The following ITGB3BP variants were observed in gnomAD, a reference collection of about 807,000 sequenced individuals.
The protein encoded by ITGB3BP is integrin subunit beta 3 binding protein.
Under a neutral mutation model 29.1 loss-of-function variants are expected in ITGB3BP, and 27 were observed. The observed-to-expected ratio is 0.93, with a 90% CI of 0.68 to 1.28. The LOEUF (loss-of-function observed/expected upper bound fraction) is 1.28. ITGB3BP is among the 50% of genes most tolerant of loss of function. The pLI is 0.00. For missense variants in ITGB3BP, 192 were observed against 200.2 expected (o/e 0.96, Z 0.25); for synonymous variants, 61 against 61.4 (o/e 0.99, Z 0.03).
chr1:63,508,099 A>G (rs995837175), intron 2 of ITGB3BP, among the ~76,000 whole-genome samples: 2 of 152,220 alleles, frequency 1.3e-5, no homozygotes, highest in African/African-American at 2.4e-5. Context: ...CCATGCCAGC[A>G]TAGCTGAGGA....
chr1:63,517,421 A>T (rs1646358328), intron 1 of ITGB3BP, among the ~76,000 whole-genome samples: 1 of 151,590 alleles, frequency 6.6e-6, no homozygotes, highest in Non-Finnish European at 1.5e-5. Flanking sequence ...AAAAATAAAT[A>T]AAAATACTCT....
intron 4 of ITGB3BP, among the ~76,000 whole-genome samples, chr1:63,465,136 C>T (rs76682764): frequency 0.012 from 1,837 of 152,136 alleles, 43 homozygotes; most frequent in African/African-American, 0.042. Context: ...TTAGGAAATA[C>T]ACACTGAAGG....
chr1:63,464,583 TA>T (rs1292756737), intron 4 of ITGB3BP, among the ~76,000 whole-genome samples: 1 of 152,176 alleles, frequency 6.6e-6, no homozygotes, highest in Non-Finnish European at 1.5e-5. Context: ...TGGCAATCAT[TA>T]CAGTAATAAC....
chr1:63,460,477 CTTCA>C (rs1476554438), intron 4 of ITGB3BP, among the ~76,000 whole-genome samples: 2 of 152,206 alleles, frequency 1.3e-5, no homozygotes, highest in East Asian at 3.8e-4. Context: ...TGTATCAGAA[CTTCA>C]TTCCTTTTCA....
Position 63,460,929 on chromosome 1 carries a change from A to G in ITGB3BP, c.255-5961T>C, listed in dbSNP as rs528898093. On this transcript the variant is annotated intron_variant, in intron 4 of 8. Coordinates refer to ENST00000271002, the MANE Select transcript of ITGB3BP (RefSeq NM_014288.5). ...TTTCATGTGTTTATTGGCAATTTAT[A>G]TAAGTTCTTTCAAGAAATATCTACT... is the stretch of plus-strand genomic sequence containing the variant. 2.6e-5 allele frequency among the ~76,000 whole-genome samples: 4 copies of G among 152,162 alleles called. No homozygotes were observed. In the South Asian group the frequency reaches 8.3e-4, roughly 32 times the overall value.
chr1:63,445,762 T>A (rs113500593), intron 8 of ITGB3BP, among the ~76,000 whole-genome samples: 3,254 of 151,958 alleles, frequency 0.021, 124 homozygotes, highest in African/African-American at 0.074. Context: ...ACCCAGCTTA[T>A]TTTTCTATTT....
At chr1:63,487,716 CATT>C (rs1315118892) in intron 3 of ITGB3BP, among the ~76,000 whole-genome samples, 11 of 152,192 alleles carry the variant, frequency 7.2e-5, no homozygotes, top group Admixed American at 3.3e-4. Flanking sequence ...ACAGGACCAT[CATT>C]GTATGTGGTC....
At chr1:63,525,410 T>C (rs1646571014), upstream of ITGB3BP, among the ~76,000 whole-genome samples, 1 of 152,188 alleles carries the variant, frequency 6.6e-6, no homozygotes, top group African/African-American at 2.4e-5. Flanking sequence ...GTCTTTTACT[T>C]CCACATATAA....
intron 2 of ITGB3BP, among the ~76,000 whole-genome samples, chr1:63,498,645 C>T (rs60112845): frequency 0.012 from 1,813 of 147,190 alleles, 40 homozygotes; most frequent in African/African-American, 0.044. Flanking sequence ...TACTTTAAGA[C>T]ACCAGAAAAA....
chr1:63,469,332 T>A (rs9659335), intron 4 of ITGB3BP, among the ~76,000 whole-genome samples: 74,900 of 143,104 alleles, frequency 0.52, 19,291 homozygotes, highest in Non-Finnish European at 0.56. Flanking sequence ...TATTATTATT[T>A]TTTTTTTTTT....
chr1:63,515,955 C>T (rs1247891009), intron 1 of ITGB3BP, among the ~76,000 whole-genome samples: 1 of 151,044 alleles, frequency 6.6e-6, no homozygotes, highest in African/African-American at 2.4e-5. Context: ...TAGCACTATT[C>T]ACAACAGCAA....
intron 2 of ITGB3BP, among the ~76,000 whole-genome samples, chr1:63,497,312 A>G (rs1645810990): frequency 6.6e-6 from 1 of 152,176 alleles, no homozygotes; most frequent in Non-Finnish European, 1.5e-5. Context: ...TTCTAAAAAA[A>G]TAAAATAAAA....
At position 63,508,559 on chromosome 1, in the gene ITGB3BP, G is replaced by A. The variant is rs759029529; in HGVS notation, c.17C>T (p.Ser6Leu). 19 of 1,416,562 alleles carry A rather than the reference G, an allele frequency of 1.3e-5. No homozygotes were observed. The highest frequency in any genetic ancestry group is 1.8e-5 in the Non-Finnish European group (19 of 1,041,604). The allele number at this position is 1,416,562 out of a possible 1,614,324, so 87.7% of individuals were successfully genotyped here. Residue 6 changes from serine (S) to leucine (L), a missense_variant, in exon 2 of 9, where the codon TCA becomes TTA. Transcript: ENST00000271002. MPVKR[S>L]LKLDGLLEEN... ...TTCTAACAGACCATCCAACTTCAGT[G>A]ATCTTTTAACACTACAAACAAAAAA...
At chr1:63,477,204 C>G (rs1421133776) in intron 4 of ITGB3BP, among the ~76,000 whole-genome samples, 1 of 152,168 alleles carries the variant, frequency 6.6e-6, no homozygotes, top group Non-Finnish European at 1.5e-5. Context: ...AAATGGCACT[C>G]AGTTTCCACA....
At chr1:63,478,435 A>T (rs936138048) in intron 4 of ITGB3BP, among the ~76,000 whole-genome samples, 1 of 152,230 alleles carries the variant, frequency 6.6e-6, no homozygotes, top group Non-Finnish European at 1.5e-5. Flanking sequence ...ATTTGTTAAG[A>T]CACTTTGTTC....
intron 8 of ITGB3BP, among the ~76,000 whole-genome samples, chr1:63,444,824 T>C (rs1644771632): frequency 6.6e-6 from 1 of 152,056 alleles, no homozygotes; most frequent in Non-Finnish European, 1.5e-5. Context: ...CTCAGTTTAG[T>C]ATCCTGGCCC....
At chr1:63,501,324 TA>T (rs1319757818) in intron 2 of ITGB3BP, among the ~76,000 whole-genome samples, 4 of 152,148 alleles carry the variant, frequency 2.6e-5, no homozygotes, top group Non-Finnish European at 4.4e-5. Context: ...AAGAAACAGG[TA>T]AATTGAATCT....
Position 63,508,532 on chromosome 1 carries a change from T to C in ITGB3BP, c.44A>G (p.Glu15Gly). The change falls in exon 2 of 9, where the codon GAA becomes GGA. Residue 15 changes from glutamate to glycine, a missense_variant. By Grantham distance (98) the Glu-to-Gly change is moderately conservative. Coordinates refer to ENST00000271002, the MANE Select transcript of ITGB3BP (RefSeq NM_014288.5). ...AACTTTTAAGCAAATACTTACATTTTCTTCTAACAGACCATCCAACTTCAG... is the reference window on the plus strand; with the variant it reads ...AACTTTTAAGCAAATACTTACATTTCCTTCTAACAGACCATCCAACTTCAG... ...RSLKLDGLLEENSFDPSKITR... is the reference protein window; with the variant it reads ...RSLKLDGLLEGNSFDPSKITR... The C allele has an allele frequency of 7.0e-7, 1 of 1,428,488 alleles. No individual in the cohort carries two copies. The highest frequency in any genetic ancestry group is 9.5e-7 in the Non-Finnish European group (1 of 1,051,904). The allele number at this position is 1,428,488 out of a possible 1,614,324, so 88.5% of individuals were successfully genotyped here.
At chr1:63,445,588 G>A (rs1644780988) in intron 8 of ITGB3BP, among the ~76,000 whole-genome samples, 1 of 151,600 alleles carries the variant, frequency 6.6e-6, no homozygotes, top group South Asian at 2.1e-4. Flanking sequence ...CAAAACACCT[G>A]GTAAGCTAAG....
Sources: allele counts gnomAD v4.1 joint callset (sites outside exome capture counted in the v4.1 genomes callset), GRCh38; gene constraint gnomAD v4.1.1; transcripts MANE v1.5; gene names NCBI Gene and HGNC (gene_info 2026-07-23, HGNC 2026-07-21).